Variants in LARGE1 observed in about 807,000 individuals in gnomAD.
The protein encoded by LARGE1 is xylosyl- and glucuronyltransferase LARGE1.
Under a neutral mutation model 87.6 loss-of-function variants are expected in LARGE1, and 43 were observed. The ratio of observed to expected loss-of-function variants is 0.49; its 90% CI spans 0.38 to 0.63. LARGE1 has a LOEUF of 0.63. Among genes scored for constraint, LARGE1 ranks in the 30% least tolerant of loss-of-function variants. The probability of loss-of-function intolerance (pLI) is 0.00; values close to 1 mark genes in which losing one functional copy is unlikely to be tolerated. For synonymous variants in LARGE1, 434 were observed against 394.6 expected, an observed-to-expected ratio of 1.10 and a Z score of -1.18; for missense variants, 802 against 1,000.2, an observed-to-expected ratio of 0.80 and a Z score of 2.67.
chr22:33,708,800 G>A (rs944224052), intron 2 of LARGE1, among the ~76,000 whole-genome samples: 1 of 152,110 alleles, frequency 6.6e-6, no homozygotes, highest in African/African-American at 2.4e-5. Context: ...GGGGTTTCAC[G>A]ATGTCGGTCA....
chr22:33,428,490 T>C (rs1378395641), intron 7 of LARGE1, among the ~76,000 whole-genome samples: 9 of 151,484 alleles, frequency 5.9e-5, no homozygotes, highest in African/African-American at 1.7e-4. Context: ...ATTTTTTGTA[T>C]TTTTAGTAGA....
chr22:33,854,523 T>G (rs2063701887), intron 1 of LARGE1, among the ~76,000 whole-genome samples: 1 of 152,166 alleles, frequency 6.6e-6, no homozygotes, highest in Admixed American at 6.5e-5. Flanking sequence ...GCCCCCTTAC[T>G]CACTTGAAGG....
chr22:33,257,160 G>A (rs997478565), intron 11 of LARGE1, among the ~76,000 whole-genome samples: 3 of 152,122 alleles, frequency 2.0e-5, no homozygotes, highest in South Asian at 2.1e-4. Flanking sequence ...AGCTGAGATC[G>A]CACCATTGCA....
intron 11 of LARGE1, among the ~76,000 whole-genome samples, chr22:33,314,780 T>G (rs1475644358): frequency 6.6e-6 from 1 of 152,112 alleles, no homozygotes; most frequent in Non-Finnish European, 1.5e-5. Flanking sequence ...ATGTGTAAAT[T>G]GAAGCGGAAG....
intron 8 of LARGE1, among the ~76,000 whole-genome samples, chr22:33,382,362 G>T (rs1321464943): frequency 6.6e-6 from 1 of 152,076 alleles, no homozygotes; most frequent in Non-Finnish European, 1.5e-5. Flanking sequence ...TATGAAAAAC[G>T]AAGTCTCCTT....
intron 9 of LARGE1, among the ~76,000 whole-genome samples, chr22:33,372,720 T>C (rs925112079): frequency 3.3e-5 from 5 of 152,176 alleles, no homozygotes; most frequent in African/African-American, 7.2e-5. Context: ...AGCCAAATCA[T>C]ATCACAAAGT....
chr22:33,398,607 G>T (rs141501805), intron 7 of LARGE1, among the ~76,000 whole-genome samples: 1 of 152,308 alleles, frequency 6.6e-6, no homozygotes, highest in Non-Finnish European at 1.5e-5. Flanking sequence ...CTTATGGGTT[G>T]AATTATGTCC....
chr22:33,401,792 C>G (rs1396716907), intron 7 of LARGE1, among the ~76,000 whole-genome samples: 2 of 152,212 alleles, frequency 1.3e-5, no homozygotes, highest in Admixed American at 6.5e-5. Flanking sequence ...CTTCTAGCTT[C>G]TAGAACTGTG....
At chr22:33,658,273 A>AT (rs1168795068) in intron 2 of LARGE1, among the ~76,000 whole-genome samples, 1 of 152,200 alleles carries the variant, frequency 6.6e-6, no homozygotes, top group Non-Finnish European at 1.5e-5. Flanking sequence ...AGTTATCAGC[A>AT]TTTAAAAAAA....
At chr22:33,354,759 C>A (rs1315839330) in intron 9 of LARGE1, among the ~76,000 whole-genome samples, 1 of 152,144 alleles carries the variant, frequency 6.6e-6, no homozygotes, top group East Asian at 1.9e-4. Flanking sequence ...CCATTTGGAT[C>A]TGTGAATTTT....
rs1449041062 is a variant in LARGE1, at chr22:33,808,126, A to G, written c.-82-46568T>C. On this transcript the variant is annotated intron_variant, in intron 1 of 14. Transcript: ENST00000397394. ...ACCATTTTGCATTCTGACAGCAACA[A>G]ATGAGAGTTCCTGTTGCTCCACATC... 2.0e-5 allele frequency among the ~76,000 whole-genome samples: 3 copies of G among 152,208 alleles called. No homozygotes were observed. The East Asian group carries it at 5.8e-4, about 29-fold the overall frequency.
At chr22:33,881,733 T>C (rs1601842764) in intron 1 of LARGE1, among the ~76,000 whole-genome samples, 1 of 152,186 alleles carries the variant, frequency 6.6e-6, no homozygotes, top group Admixed American at 6.5e-5. Flanking sequence ...ATTTCACTCA[T>C]GTTAAGCCTT....
chr22:33,569,518 A>C (rs1176769233), intron 5 of LARGE1, among the ~76,000 whole-genome samples: 1 of 152,260 alleles, frequency 6.6e-6, no homozygotes, highest in African/African-American at 2.4e-5. Context: ...TTCAGAAAGA[A>C]AGCCCCAGGA....
chr22:33,622,974 C>T (rs947361953), intron 4 of LARGE1, among the ~76,000 whole-genome samples: 1 of 152,186 alleles, frequency 6.6e-6, no homozygotes, highest in Non-Finnish European at 1.5e-5. Context: ...AGGATTCTTA[C>T]AATTTCAACA....
chr22:33,283,165 C>T (rs375215560), intron 13 of LARGE1, 37 bp downstream of exon 13: 27 of 1,613,166 alleles, frequency 1.7e-5, no homozygotes, highest in African/African-American at 8.0e-5. Context: ...AGAAGGCCTT[C>T]GAGCACCCCC....
intron 1 of LARGE1, among the ~76,000 whole-genome samples, chr22:33,902,481 G>C (rs556828465): frequency 5.3e-5 from 8 of 152,176 alleles, no homozygotes; most frequent in Non-Finnish European, 7.4e-5. Context: ...CTAGGGAGGT[G>C]AAAGGTCCAG....
At chr22:33,819,973 A>T (rs1277078618) in intron 1 of LARGE1, among the ~76,000 whole-genome samples, 1 of 152,158 alleles carries the variant, frequency 6.6e-6, no homozygotes, top group Non-Finnish European at 1.5e-5. Context: ...TGCTGGCTGG[A>T]CATCAGTGTC....
chr22:33,749,713 T>C (rs1326218044), intron 2 of LARGE1, among the ~76,000 whole-genome samples: 1 of 152,204 alleles, frequency 6.6e-6, no homozygotes, highest in Non-Finnish European at 1.5e-5. Flanking sequence ...ATTAACTGAA[T>C]TTTTTCGTTA....
At chr22:33,642,757 C>T (rs1198367432) in intron 3 of LARGE1, among the ~76,000 whole-genome samples, 1 of 129,196 alleles carries the variant, frequency 7.7e-6, no homozygotes, top group Admixed American at 7.7e-5. Flanking sequence ...CAATCCTAGT[C>T]TCTGATAAAA....
Sources: allele counts gnomAD v4.1 joint callset (sites outside exome capture counted in the v4.1 genomes callset), GRCh38; gene constraint gnomAD v4.1.1; transcripts MANE v1.5; gene names NCBI Gene and HGNC (gene_info 2026-07-23, HGNC 2026-07-21).